LIG1: variants seen among roughly 807,000 people sequenced by gnomAD.
LIG1 encodes the protein DNA ligase 1, also known as ligase I, DNA, ATP-dependent.
LIG1 carries 70 observed loss-of-function variants against 115.7 expected under a neutral mutation model. The observed-to-expected ratio is 0.60, with a 90% confidence interval of 0.50 to 0.74. The LOEUF (loss-of-function observed/expected upper bound fraction) is 0.74. Ranked by LOEUF, LIG1 falls within the 30% of genes least tolerant of loss-of-function variation. LIG1 has a pLI of 0.00. For synonymous variants in LIG1, 487 were observed against 495.3 expected (o/e 0.98, Z 0.22); for missense variants, 1,115 against 1,225.6 (o/e 0.91, Z 1.35).
At position 48,136,034 on chromosome 19, in the gene LIG1, C is replaced by T; in HGVS notation, c.1423G>A (p.Glu475Lys). Residue 475 changes from glutamate (E) to lysine (K), a missense_variant and splice_region_variant, in exon 15 of 28, where the codon GAA becomes AAA. Transcript: ENST00000263274. Reference sequence around the variant, plus strand: ...GCAGAGACGGGCCACAGGAGCTCACCTTGGCCCGGGGGCGTGAGGCTCACT... The same window carrying T: ...GCAGAGACGGGCCACAGGAGCTCACTTTGGCCCGGGGGCGTGAGGCTCACT... ...QAVSLTPPGQ[E>K]FPPAMVDAGK... The T allele has an allele frequency of 6.4e-7, 1 of 1,560,626 alleles. No individual in the cohort carries two copies. Among genetic ancestry groups the T allele is most frequent in the Non-Finnish European group, 8.7e-7 (1 of 1,152,866 alleles).
chr19:48,129,672 A>G (rs185076038), intron 19 of LIG1, among the ~76,000 whole-genome samples: 1 of 152,366 alleles, frequency 6.6e-6, no homozygotes, highest in East Asian at 1.9e-4. Flanking sequence ...ACCAAAAAGC[A>G]GACCTGGGGT....
At chr19:48,119,285 C>T in intron 24 of LIG1, 95 bp from the exon 25 acceptor site, 1 of 994,158 alleles carries the variant, frequency 1.0e-6, no homozygotes, top group East Asian at 2.6e-5. Flanking sequence ...TGGCCCCCAC[C>T]CCACTCTGGT....
chr19:48,124,118 G>A (rs1240332660), intron 21 of LIG1, among the ~76,000 whole-genome samples: 3 of 152,204 alleles, frequency 2.0e-5, no homozygotes, highest in South Asian at 2.1e-4. Flanking sequence ...CCCACGCGCA[G>A]TGTTTCTGGT....
Position 48,117,790 on chromosome 19 carries a change from A to C in LIG1, c.2440-9T>G. ...CTGGGCAGCACCAGCGCCTGCAGTG[A>C]GCAGAGGAAGAGAGGAACAGAGGGT... is the stretch of plus-strand genomic sequence containing the variant. On this transcript the variant is annotated splice_polypyrimidine_tract_variant and intron_variant, in intron 25 of 27. Coordinates refer to ENST00000263274, the MANE Select transcript of LIG1 (RefSeq NM_000234.3). The C allele has an allele frequency of 1.2e-6, 2 of 1,611,546 alleles. No homozygotes were observed. The highest frequency in any genetic ancestry group is 1.7e-6 in the Non-Finnish European group (2 of 1,179,236).
intron 9 of LIG1, among the ~76,000 whole-genome samples, chr19:48,147,897 C>T (rs1215950503): frequency 2.6e-5 from 4 of 152,124 alleles, no homozygotes; most frequent in Non-Finnish European, 2.9e-5. Context: ...AGGGGCCAGC[C>T]CCAGTGCTGG....
chr19:48,162,654 C>T (rs1259368572), intron 2 of LIG1, among the ~76,000 whole-genome samples: 2 of 152,018 alleles, frequency 1.3e-5, no homozygotes, highest in Non-Finnish European at 2.9e-5. Context: ...AGGATGGTCT[C>T]GATCTCCTGA....
At chr19:48,170,135 C>T in intron 1 of LIG1, 106 bp downstream of exon 1, 1 of 441,306 alleles carries the variant, frequency 2.3e-6, no homozygotes, top group Non-Finnish European at 4.6e-6. Context: ...AGCGTCCCCA[C>T]GCCCACTCCT....
At chr19:48,150,259 CT>C (rs746936471) in intron 7 of LIG1, 49 bp from the exon 8 acceptor site, 143 of 1,606,162 alleles carry the variant, frequency 8.9e-5, no homozygotes, top group Admixed American at 4.0e-4. Context: ...GACCCTGAGA[CT>C]TTTTTTTTCT....
rs140821248 is a variant in LIG1 at position 48,123,210 on chromosome 19, C to T, written c.2113G>A (p.Glu705Lys). ...FATSLDTKDI[E>K]QIAEFLEQSV... ...TGCTCCAGGAACTCGGCGATCTGCT[C>T]GATGTCCTTGGTGTCCAGGGAGGTG... Residue 705 changes from glutamate to lysine, a missense_variant, in exon 22 of 28, where the codon GAG (glutamate) becomes AAG (lysine). By Grantham distance (56) the Glu-to-Lys change is moderately conservative. Transcript: ENST00000263274. 28 of 1,614,104 alleles carry T rather than the reference C, an allele frequency of 1.7e-5. No homozygotes were observed. The East Asian group carries it at 3.8e-4, about 22-fold the overall frequency.
chr19:48,154,477 A>G lies in LIG1; in HGVS notation c.371-510T>C, dbSNP rs3730890. ...CTCTGGAGCATTTACACCGTTCCCC[A>G]GAGAATCCCACAAAACTAAGCTCCA... On this transcript the variant is annotated intron_variant, in intron 5 of 27. Transcript: ENST00000263274. 647 of 213,338 alleles carry G rather than the reference A, an allele frequency of 3.0e-3. 2 individuals carry two copies. Among genetic ancestry groups the G allele is most frequent in the Non-Finnish European group, 5.3e-3 (548 of 103,638 alleles). 13.2% of individuals were successfully genotyped at this position (213,338 alleles called of 1,614,324 possible).
chr19:48,137,516 A>C lies in LIG1; in HGVS notation c.1254+6T>G. 6.2e-7 allele frequency: 1 copy of C among 1,611,708 alleles called. No individual in the cohort carries two copies. The highest frequency in any genetic ancestry group is 8.5e-7 in the Non-Finnish European group (1 of 1,179,934). Reference sequence around the variant, plus strand: ...GGGTCCGGGATGAGCGGCCCGCCCCACTCACAGCACTGCCAGTGAGCCTGG... The same window carrying C: ...GGGTCCGGGATGAGCGGCCCGCCCCCCTCACAGCACTGCCAGTGAGCCTGG... On this transcript the variant is annotated splice_donor_region_variant and intron_variant, in intron 13 of 27. Transcript: ENST00000263274. The surrounding 1 kb of genome is among the most constrained non-coding windows in gnomAD (Gnocchi z 4.3).
At chr19:48,159,571 G>A (rs1469787850) in intron 4 of LIG1, among the ~76,000 whole-genome samples, 1 of 152,330 alleles carries the variant, frequency 6.6e-6, no homozygotes, top group Non-Finnish European at 1.5e-5. Context: ...TTCCGATAGT[G>A]GGATTACCCT....
At chr19:48,157,574 T>C (rs1486111344) in intron 4 of LIG1, among the ~76,000 whole-genome samples, 2 of 152,104 alleles carry the variant, frequency 1.3e-5, no homozygotes, top group East Asian at 3.9e-4. Context: ...AGACAGGGTG[T>C]CATTCTGTCG....
chr19:48,117,783 T>C lies in LIG1; in HGVS notation c.2440-2A>G. On this transcript the variant is annotated splice_acceptor_variant, in intron 25 of 27. Coordinates refer to ENST00000263274, the MANE Select transcript of LIG1 (RefSeq NM_000234.3). LOFTEE classifies it high-confidence loss of function. ...GCGTGGGCTGGGCAGCACCAGCGCC[T>C]GCAGTGAGCAGAGGAAGAGAGGAAC... The C allele has an allele frequency of 1.9e-6, 3 of 1,611,746 alleles. No individual in the cohort carries two copies. The highest frequency in any genetic ancestry group is 2.5e-6 in the Non-Finnish European group (3 of 1,179,276).
chr19:48,135,421 C>T (rs533719909), intron 16 of LIG1, among the ~76,000 whole-genome samples: 18 of 152,272 alleles, frequency 1.2e-4, no homozygotes, highest in African/African-American at 4.1e-4. Flanking sequence ...TGTGCCTGGC[C>T]GCTGCCAGCG....
intron 23 of LIG1, 84 bp from the exon 24 acceptor site, chr19:48,121,406 TGAG>T: frequency 7.6e-7 from 1 of 1,315,388 alleles, no homozygotes; most frequent in African/African-American, 1.5e-5. Context: ...CTCAGTGGAC[TGAG>T]GAGGGACTAG....
intron 21 of LIG1, among the ~76,000 whole-genome samples, chr19:48,125,677 G>A (rs2033616391): frequency 6.6e-6 from 1 of 152,176 alleles, no homozygotes; most frequent in African/African-American, 2.4e-5. Flanking sequence ...ACAAGATCGT[G>A]GTTCATCTAC....
chr19:48,132,853 C>CCAGA (rs1001924662), intron 18 of LIG1, 129 bp downstream of exon 18: 50 of 745,678 alleles, frequency 6.7e-5, no homozygotes, highest in African/African-American at 6.1e-4. Flanking sequence ...ATGCTGAAGC[C>CCAGA]CAGAGAGATG....
intron 11 of LIG1, among the ~76,000 whole-genome samples, chr19:48,142,719 C>G (rs3730945): frequency 0.3 from 45,617 of 151,720 alleles, 7,858 homozygotes; most frequent in East Asian, 0.55. Context: ...TCTCGGCTCA[C>G]TGCAATCTCT....
Sources: allele counts gnomAD v4.1 joint callset (sites outside exome capture counted in the v4.1 genomes callset), GRCh38; gene constraint gnomAD v4.1.1; non-coding constraint Gnocchi (gnomAD v3.1); transcripts MANE v1.5; gene names NCBI Gene and HGNC (gene_info 2026-07-23, HGNC 2026-07-21).